The following NUBPL variants were observed in gnomAD, a reference collection of about 807,000 sequenced individuals.
NUBPL encodes the protein iron-sulfur cluster transfer protein NUBPL.
In NUBPL, 31 loss-of-function variants were observed where a neutral mutation model predicts 45.7. The observed-to-expected ratio is 0.68, with a 90% CI of 0.51 to 0.92. NUBPL has a LOEUF of 0.92. Ranked by LOEUF, NUBPL falls within the 40% of genes least tolerant of loss-of-function variation. NUBPL has a pLI of 0.00. For synonymous variants in NUBPL, 144 were observed against 140.9 expected, an observed-to-expected ratio of 1.02 and a Z score of -0.15; for missense variants, 401 against 398.7, an observed-to-expected ratio of 1.01 and a Z score of -0.05.
At chr14:31,763,292 C>T (rs2038850875) in intron 6 of NUBPL, among the ~76,000 whole-genome samples, 1 of 152,142 alleles carries the variant, frequency 6.6e-6, no homozygotes, top group African/African-American at 2.4e-5. Flanking sequence ...ATGCCTGGCA[C>T]TATGCTTAGC....
At position 31,561,493 on chromosome 14, in the gene NUBPL, TGGCGG is replaced by T; in HGVS notation, c.58_62del (p.Gly20HisfsTer22). 1 of 1,399,952 alleles carries T rather than the reference TGGCGG, an allele frequency of 7.1e-7. No homozygotes were observed. The allele number at this position is 1,399,952 out of a possible 1,614,324, so 86.7% of individuals were successfully genotyped here. A position where few individuals can be genotyped will look rare whatever the true frequency, so the allele number is the denominator to read the frequency against. On this transcript the variant is annotated frameshift_variant, in exon 1 of 11. Coordinates refer to ENST00000281081, the MANE Select transcript of NUBPL (RefSeq NM_025152.3). LOFTEE classifies it high-confidence loss of function. ...TTGGTGGGGTGTCGCTCCGGGCTGG[TGGCGG>T]GGCCACTGCCCCGCTTGGGGGAAGC...
intron 6 of NUBPL, among the ~76,000 whole-genome samples, chr14:31,681,432 T>C (rs922501817): frequency 1.3e-5 from 2 of 151,882 alleles, no homozygotes; most frequent in African/African-American, 4.8e-5. Context: ...ATTTTTCTCT[T>C]TTATTCTTGA....
chr14:31,780,559 A>G (rs1410364935), intron 6 of NUBPL, among the ~76,000 whole-genome samples: 1 of 152,220 alleles, frequency 6.6e-6, no homozygotes, highest in African/African-American at 2.4e-5. Flanking sequence ...TCTAGAAAAC[A>G]AAACATTTAA....
At chr14:31,623,431 G>T (rs1382822968) in intron 4 of NUBPL, among the ~76,000 whole-genome samples, 1 of 152,156 alleles carries the variant, frequency 6.6e-6, no homozygotes, top group Non-Finnish European at 1.5e-5. Context: ...CATAAGATTT[G>T]GGTGGGGCTG....
intron 4 of NUBPL, among the ~76,000 whole-genome samples, chr14:31,611,472 A>G (rs549760693): frequency 2.1e-4 from 32 of 152,364 alleles, no homozygotes; most frequent in Admixed American, 1.2e-3. Context: ...GGAAGAATCA[A>G]TATTGTTAAA....
At chr14:31,582,429 A>G (rs962705587) in intron 3 of NUBPL, among the ~76,000 whole-genome samples, 6 of 147,532 alleles carry the variant, frequency 4.1e-5, no homozygotes, top group African/African-American at 7.5e-5. Context: ...TTTTAGTTAG[A>G]CTACTGGTCT....
intron 3 of NUBPL, among the ~76,000 whole-genome samples, chr14:31,580,461 A>C (rs1176074242): frequency 2.0e-5 from 3 of 152,120 alleles, no homozygotes; most frequent in Admixed American, 6.5e-5. Flanking sequence ...CCGTTTCTAC[A>C]ACAACAAGTA....
chr14:31,676,285 A>C (rs892537687), intron 6 of NUBPL, among the ~76,000 whole-genome samples: 72 of 151,284 alleles, frequency 4.8e-4, no homozygotes, highest in Non-Finnish European at 4.4e-5. Context: ...GGTCTCCCAA[A>C]GTGCTGGGAT....
intron 6 of NUBPL, among the ~76,000 whole-genome samples, chr14:31,690,258 G>T (rs778807529): frequency 1.4e-4 from 22 of 152,162 alleles, no homozygotes; most frequent in Non-Finnish European, 2.5e-4. Flanking sequence ...GCCTCAAAAG[G>T]AAAAGATAAA....
intron 6 of NUBPL, among the ~76,000 whole-genome samples, chr14:31,739,996 CTT>C (rs1371446032): frequency 1.3e-5 from 2 of 152,158 alleles, no homozygotes; most frequent in Non-Finnish European, 2.9e-5. Context: ...TGGCTTACTG[CTT>C]TTCAGTACTG....
intron 6 of NUBPL, among the ~76,000 whole-genome samples, chr14:31,697,978 C>T (rs2037249468): frequency 6.6e-6 from 1 of 152,092 alleles, no homozygotes; most frequent in Non-Finnish European, 1.5e-5. Flanking sequence ...AAGACTTGAA[C>T]AGATCCCAAG....
At chr14:31,826,390 G>A (rs770835702) in intron 7 of NUBPL, among the ~76,000 whole-genome samples, 85 of 152,206 alleles carry the variant, frequency 5.6e-4, no homozygotes, top group Admixed American at 9.8e-4. Flanking sequence ...CAAAATGCTG[G>A]GATTATAGGT....
At position 31,569,005 on chromosome 14, in the gene NUBPL, C is replaced by G. The variant is rs143990457; in HGVS notation, c.291+3957C>G. 2.1e-3 allele frequency among the ~76,000 whole-genome samples: 323 copies of G among 152,156 alleles called. 1 individual carries two copies. The highest frequency in any genetic ancestry group is 0.014 in the Middle Eastern group (4 of 294). ...TATATATGGTATTAGTATAGTAGCT[C>G]TAATATAATGTATAAACAAATATAT... is the stretch of plus-strand genomic sequence containing the variant. On this transcript the variant is annotated intron_variant, in intron 3 of 10. Coordinates refer to ENST00000281081, the MANE Select transcript of NUBPL (RefSeq NM_025152.3).
chr14:31,621,556 C>G (rs1381683923), intron 4 of NUBPL, among the ~76,000 whole-genome samples: 4 of 152,162 alleles, frequency 2.6e-5, no homozygotes, highest in Non-Finnish European at 5.9e-5. Context: ...TCCCTTGATC[C>G]CTTGTGCTTC....
intron 4 of NUBPL, among the ~76,000 whole-genome samples, chr14:31,658,378 A>G (rs1035478313): frequency 6.6e-6 from 1 of 152,196 alleles, no homozygotes; most frequent in African/African-American, 2.4e-5. Flanking sequence ...GCAGTATGTC[A>G]TATAAAGACT....
At chr14:31,760,292 T>C (rs2038778268) in intron 6 of NUBPL, among the ~76,000 whole-genome samples, 1 of 151,818 alleles carries the variant, frequency 6.6e-6, no homozygotes. Flanking sequence ...TAGCTGGGGC[T>C]ACAGGTGTGT....
At chr14:31,640,712 A>G (rs2035668989) in intron 4 of NUBPL, among the ~76,000 whole-genome samples, 1 of 151,760 alleles carries the variant, frequency 6.6e-6, no homozygotes, top group South Asian at 2.1e-4. Flanking sequence ...TTTATTAATT[A>G]TTTTGTTGAT....
At chr14:31,689,331 A>C (rs1021972438) in intron 6 of NUBPL, among the ~76,000 whole-genome samples, 17 of 152,060 alleles carry the variant, frequency 1.1e-4, no homozygotes, top group African/African-American at 4.1e-4. Flanking sequence ...TGCCAGCATC[A>C]GTTATTTTTT....
chr14:31,653,750 T>C (rs1385238776), intron 4 of NUBPL, among the ~76,000 whole-genome samples: 1 of 152,218 alleles, frequency 6.6e-6, no homozygotes, highest in Non-Finnish European at 1.5e-5. Flanking sequence ...CATAAGAAAT[T>C]ATAAGAGCAT....
Sources: gnomAD v4.1 joint callset for allele counts (sites outside exome capture counted in the v4.1 genomes callset) on GRCh38, gnomAD v4.1.1 for gene constraint, MANE v1.5 for transcripts, NCBI Gene and HGNC (gene_info 2026-07-23, HGNC 2026-07-21) for gene names.